Variants in PAM observed in about 807,000 individuals in gnomAD.
PAM encodes the protein peptidylglycine alpha-amidating monooxygenase, also known as peptidyl-glycine alpha-amidating monooxygenase.
Under a neutral mutation model 122.1 loss-of-function variants are expected in PAM, and 72 were observed. The observed-to-expected ratio is 0.59, with a 90% confidence interval of 0.49 to 0.72. The LOEUF (loss-of-function observed/expected upper bound fraction) is 0.72. PAM is among the 30% of genes least tolerant of loss of function. The pLI is 0.00. For synonymous variants in PAM, 389 were observed against 404.4 expected (o/e 0.96, Z 0.46); for missense variants, 1,106 against 1,183.7 (o/e 0.93, Z 0.96).
At chr5:102,901,723 C>A (rs1797957318) in intron 4 of PAM, among the ~76,000 whole-genome samples, 14 of 151,484 alleles carry the variant, frequency 9.2e-5, no homozygotes, top group Admixed American at 9.2e-4. Context: ...CTTAATTCCA[C>A]TCCACTCAAC....
chr5:102,907,373 G>C (rs1395478646), intron 4 of PAM, among the ~76,000 whole-genome samples: 2 of 151,210 alleles, frequency 1.3e-5, no homozygotes, highest in East Asian at 3.9e-4. Context: ...GTCTATCATT[G>C]TTGGACATTT....
chr5:102,992,754 G>A (rs1347395223), intron 16 of PAM, among the ~76,000 whole-genome samples: 1 of 152,096 alleles, frequency 6.6e-6, no homozygotes, highest in Admixed American at 6.6e-5. Flanking sequence ...CTGTTGGATG[G>A]TGACAAATCC....
chr5:102,804,017 G>A (rs1765571747), intron 1 of PAM, among the ~76,000 whole-genome samples: 1 of 152,160 alleles, frequency 6.6e-6, no homozygotes, highest in Non-Finnish European at 1.5e-5. Flanking sequence ...AGGAGAAACA[G>A]GAGAAGTGTG....
At chr5:102,950,131 C>T (rs1459648223) in intron 11 of PAM, among the ~76,000 whole-genome samples, 153 bp downstream of exon 11, 23 of 152,108 alleles carry the variant, frequency 1.5e-4, no homozygotes, top group Non-Finnish European at 4.4e-5. Context: ...CTTTTTGCAA[C>T]TTCCAATTTG....
At chr5:102,779,209 T>C (rs1757939871) in intron 1 of PAM, among the ~76,000 whole-genome samples, 1 of 151,476 alleles carries the variant, frequency 6.6e-6, no homozygotes, top group Non-Finnish European at 1.5e-5. Context: ...TTCAAAAATA[T>C]GCATATATAT....
In PAM at chr5:102,831,226, T is replaced by A. The variant is rs548706475; in HGVS notation, c.-373-34597T>A. On this transcript the variant is annotated intron_variant, in intron 1 of 25. Transcript: ENST00000438793. ...TCATGGAAACCGTTACTTGAATACATTTTTATAACCTTGTAATCCATTATG... is the reference window on the plus strand; with the variant it reads ...TCATGGAAACCGTTACTTGAATACAATTTTATAACCTTGTAATCCATTATG... 2.0e-5 allele frequency among the ~76,000 whole-genome samples: 3 copies of A among 152,320 alleles called. No individual in the cohort carries two copies. In the South Asian group the frequency reaches 6.2e-4, roughly 32 times the overall value.
chr5:102,785,025 A>T (rs558979184), intron 1 of PAM, among the ~76,000 whole-genome samples: 1 of 152,264 alleles, frequency 6.6e-6, no homozygotes. Context: ...AAGTCATTTT[A>T]TAAAACTTCC....
At chr5:102,849,418 C>T (rs1260050972) in intron 1 of PAM, among the ~76,000 whole-genome samples, 1 of 151,870 alleles carries the variant, frequency 6.6e-6, no homozygotes, top group Non-Finnish European at 1.5e-5. Flanking sequence ...ATTAGCTGGG[C>T]ATGGTGGCAT....
chr5:103,011,007 C>CA (rs1780427088), intron 21 of PAM, among the ~76,000 whole-genome samples: 1 of 152,130 alleles, frequency 6.6e-6, no homozygotes. Flanking sequence ...GTTGTGCTAT[C>CA]AAATACTAGG....
intron 1 of PAM, among the ~76,000 whole-genome samples, chr5:102,842,070 G>T (rs759190928): frequency 6.6e-6 from 1 of 151,762 alleles, no homozygotes; most frequent in African/African-American, 2.4e-5. Context: ...AAACATTATC[G>T]ACAAAAATGA....
chr5:102,761,440 A>G (rs1752340757), intron 1 of PAM, among the ~76,000 whole-genome samples: 1 of 152,238 alleles, frequency 6.6e-6, no homozygotes, highest in Admixed American at 6.5e-5. Flanking sequence ...CATTGAGTGT[A>G]CAGTTCACTG....
intron 1 of PAM, among the ~76,000 whole-genome samples, chr5:102,815,171 TAACAGTATTTCCTTCTGATGGGG>T (rs1460871560): frequency 6.6e-6 from 1 of 152,140 alleles, no homozygotes; most frequent in Admixed American, 6.6e-5. Context: ...CCTCTACAGT[TAACAGTATTTCCTTCTGATGGGG>T]ACAAGTTAGG....
At chr5:102,769,157 A>C (rs1045819878) in intron 1 of PAM, among the ~76,000 whole-genome samples, 1 of 152,066 alleles carries the variant, frequency 6.6e-6, no homozygotes, top group Admixed American at 6.6e-5. Context: ...TTTTTGAGAA[A>C]TGTCTATTCA....
At chr5:102,763,252 T>G (rs1752919493) in intron 1 of PAM, among the ~76,000 whole-genome samples, 1 of 152,216 alleles carries the variant, frequency 6.6e-6, no homozygotes, top group Non-Finnish European at 1.5e-5. Flanking sequence ...AGATTTTCAC[T>G]AATATCTTTG....
At chr5:102,892,596 C>T (rs1795054228) in intron 3 of PAM, among the ~76,000 whole-genome samples, 1 of 151,846 alleles carries the variant, frequency 6.6e-6, no homozygotes, top group African/African-American at 2.4e-5. Context: ...TTCTGATAAA[C>T]ACTTTCATAG....
At chr5:102,867,872 C>T (rs1291799903) in intron 3 of PAM, among the ~76,000 whole-genome samples, 3 of 152,160 alleles carry the variant, frequency 2.0e-5, no homozygotes, top group Non-Finnish European at 4.4e-5. Context: ...GTTAAGAAAA[C>T]TGTTCATACA....
At chr5:102,961,574 T>C (rs1762504173) in intron 14 of PAM, among the ~76,000 whole-genome samples, 2 of 151,906 alleles carry the variant, frequency 1.3e-5, no homozygotes, top group Non-Finnish European at 2.9e-5. Context: ...ATTTAAATTA[T>C]TGTATATTTT....
chr5:102,885,094 T>TATATATATATATATATATAAAA lies in PAM; in HGVS notation c.211-16261_211-16260insTATATATATATATATATAAAAA, dbSNP rs60241746. Among the ~76,000 whole-genome samples the TATATATATATATATATATAAAA allele has an allele frequency of 1.2e-4, 18 of 147,850 alleles. 1 individual carries two copies. The highest frequency in any genetic ancestry group is 4.4e-4 in the African/African-American group (17 of 38,342). On this transcript the variant is annotated intron_variant, in intron 3 of 25. Transcript: ENST00000438793. ...CTTGTTTAATAACTATATATATATATAACTATAAAAGCTTTACTTGATTAT... is the reference window on the plus strand; with the variant it reads ...CTTGTTTAATAACTATATATATATATATATATATATATATATATAAAAAACTATAAAAGCTTTACTTGATTAT...
chr5:102,979,571 A>G (rs1044612383), intron 15 of PAM, among the ~76,000 whole-genome samples: 1 of 152,100 alleles, frequency 6.6e-6, no homozygotes, highest in Admixed American at 6.6e-5. Context: ...AAATGTGAAG[A>G]GCCTTGTTAC....
Sources: allele counts gnomAD v4.1 joint callset (sites outside exome capture counted in the v4.1 genomes callset), GRCh38; gene constraint gnomAD v4.1.1; transcripts MANE v1.5; gene names NCBI Gene and HGNC (gene_info 2026-07-23, HGNC 2026-07-21).